Variants in XYLT1 observed in about 807,000 individuals in gnomAD.
XYLT1 encodes xylosyltransferase 1.
Under a neutral mutation model 91.3 loss-of-function variants are expected in XYLT1, and 36 were observed. The observed-to-expected ratio is 0.39, with a 90% CI of 0.30 to 0.52. The LOEUF (loss-of-function observed/expected upper bound fraction) is 0.52, where lower values mean the gene tolerates loss of function less well. Ranked by LOEUF, XYLT1 falls within the 20% of genes least tolerant of loss-of-function variation. The pLI is 0.68. For synonymous variants in XYLT1, 588 were observed against 532.0 expected (o/e 1.11, Z -1.45); for missense variants, 1,242 against 1,284.5 (o/e 0.97, Z 0.51).
chr16:17,173,662 C>T (rs890761078), intron 5 of XYLT1, among the ~76,000 whole-genome samples: 2 of 152,260 alleles, frequency 1.3e-5, no homozygotes, highest in Non-Finnish European at 2.9e-5. Context: ...GGACAGAATT[C>T]CTTTCATGCT....
At position 17,376,827 on chromosome 16, in the gene XYLT1, CAAAAAAAA is replaced by C. The variant is rs10684824; in HGVS notation, c.364-18785_364-18778del. Among the ~76,000 whole-genome samples the C allele has an allele frequency of 2.6e-3, 142 of 55,676 alleles. 1 individual carries two copies. Among genetic ancestry groups the C allele is most frequent in the South Asian group, 0.02 (20 of 1,004 alleles). The allele number at this position is 55,676 out of a possible 152,430, so 36.5% of individuals were successfully genotyped here. On this transcript the variant is annotated intron_variant, in intron 1 of 11. Transcript: ENST00000261381. ...GAGCAACAAGAGCAAAACTCTGTCT[CAAAAAAAA>C]AAAAAAAAAAAAAAAAAATAGGGAC...
intron 5 of XYLT1, among the ~76,000 whole-genome samples, chr16:17,168,609 T>TA (rs992532564): frequency 1.3e-5 from 2 of 151,884 alleles, no homozygotes; most frequent in African/African-American, 2.4e-5. Context: ...CTTTTTTTTT[T>TA]AAAGTTTAAA....
At chr16:17,338,391 T>TA (rs1272993930) in intron 2 of XYLT1, 1 of 456,566 alleles carries the variant, frequency 2.2e-6, no homozygotes, top group Admixed American at 2.3e-5. Context: ...TGCCAAGGCC[T>TA]GCTCCTCTCT....
chr16:17,227,514 T>A (rs1159967713), intron 3 of XYLT1: 1 of 152,230 alleles, frequency 6.6e-6, no homozygotes, highest in African/African-American at 2.4e-5. Context: ...CCCAATGAAC[T>A]CATAGCAAAG....
chr16:17,168,267 A>G (rs1284981825), intron 5 of XYLT1, among the ~76,000 whole-genome samples: 1 of 152,242 alleles, frequency 6.6e-6, no homozygotes, highest in East Asian at 1.9e-4. Flanking sequence ...AGCCATCAAA[A>G]GAACAAAATC....
At chr16:17,348,787 CAAACCCAGCCTG>C (rs1312646438) in intron 2 of XYLT1, among the ~76,000 whole-genome samples, 1 of 152,226 alleles carries the variant, frequency 6.6e-6, no homozygotes, top group African/African-American at 2.4e-5. Flanking sequence ...CTAGAACCTG[CAAACCCAGCCTG>C]AACATTCTAG....
chr16:17,197,711 A>G (rs1289317847), intron 5 of XYLT1, among the ~76,000 whole-genome samples: 1 of 152,134 alleles, frequency 6.6e-6, no homozygotes, highest in Non-Finnish European at 1.5e-5. Context: ...TCAGACTCCA[A>G]GTTCTTCAGC....
In XYLT1 at chr16:17,379,763, T is replaced by TCACACACACACA. The variant is rs71137987; in HGVS notation, c.364-21725_364-21714dup. On this transcript the variant is annotated intron_variant, in intron 1 of 11. Transcript: ENST00000261381. ...CTCTCTCTCTCTCTCTCTCTCTCTC[T>TCACACACACACA]CACACACACACACACACACACACAC... Among the ~76,000 whole-genome samples, 296 of 125,596 alleles carry TCACACACACACA rather than the reference T, an allele frequency of 2.4e-3. 2 individuals are homozygous for TCACACACACACA. Among genetic ancestry groups the TCACACACACACA allele is most frequent in the African/African-American group, 8.0e-3 (253 of 31,744 alleles). 82.4% of individuals were successfully genotyped at this position (125,596 alleles called of 152,430 possible).
At chr16:17,347,224 T>C (rs2035156292) in intron 2 of XYLT1, among the ~76,000 whole-genome samples, 1 of 152,158 alleles carries the variant, frequency 6.6e-6, no homozygotes, top group Non-Finnish European at 1.5e-5. Context: ...GTGAAGGCCT[T>C]GCTTGCAGGC....
intron 2 of XYLT1, among the ~76,000 whole-genome samples, chr16:17,324,875 C>A (rs796323283): frequency 2.0e-5 from 3 of 151,634 alleles, no homozygotes; most frequent in African/African-American, 7.3e-5. Context: ...TTTTTTCAAG[C>A]TTTGTTATAA....
rs181326431 is a variant in XYLT1, at chr16:17,430,956, A to C, written c.363+39478T>G. 3.3e-4 allele frequency among the ~76,000 whole-genome samples: 50 copies of C among 152,360 alleles called. No homozygotes were observed. In the East Asian group the frequency reaches 9.0e-3, roughly 28 times the overall value. On this transcript the variant is annotated intron_variant, in intron 1 of 11. Coordinates refer to ENST00000261381, the MANE Select transcript of XYLT1 (RefSeq NM_022166.4). Reference sequence around the variant, plus strand: ...TGACCCAAAATGTATAATAAATGCAAAATGAGAAAAGCTAAACATGAAAAA... The same window carrying C: ...TGACCCAAAATGTATAATAAATGCACAATGAGAAAAGCTAAACATGAAAAA...
At position 17,108,592 on chromosome 16, in the gene XYLT1, C is replaced by T; in HGVS notation, c.*103G>A. ...TCTATGGCCAGGAGAGACCCATTCACAGAGGGCCTCCCCCAGGGTGGGAGG... is the reference window on the plus strand; with the variant it reads ...TCTATGGCCAGGAGAGACCCATTCATAGAGGGCCTCCCCCAGGGTGGGAGG... On this transcript the variant is annotated 3_prime_UTR_variant, in exon 12 of 12. Transcript: ENST00000261381. 1 of 1,179,446 alleles carries T rather than the reference C, an allele frequency of 8.5e-7. No homozygotes were observed. The highest frequency in any genetic ancestry group is 1.7e-5 in the South Asian group (1 of 59,028). The allele number at this position is 1,179,446 out of a possible 1,614,324, so 73.1% of individuals were successfully genotyped here. A position where few individuals can be genotyped will look rare whatever the true frequency, so the allele number is the denominator to read the frequency against.
At chr16:17,404,694 G>T (rs115879830) in intron 1 of XYLT1, among the ~76,000 whole-genome samples, 2,925 of 152,244 alleles carry the variant, frequency 0.019, 88 homozygotes, top group African/African-American at 0.065. Context: ...CCAACAACTC[G>T]GGAGGCTGAG....
chr16:17,265,426 C>G (rs1171073865), intron 2 of XYLT1, among the ~76,000 whole-genome samples: 1 of 152,206 alleles, frequency 6.6e-6, no homozygotes, highest in Non-Finnish European at 1.5e-5. Context: ...CAATCCAACT[C>G]TCTCACCTTG....
chr16:17,143,133 T>A (rs2031030167), intron 6 of XYLT1, among the ~76,000 whole-genome samples: 1 of 152,164 alleles, frequency 6.6e-6, no homozygotes, highest in Non-Finnish European at 1.5e-5. Context: ...CGTGGGCATG[T>A]TGGGAGGGTG....
At chr16:17,254,828 A>G (rs2033604312) in intron 3 of XYLT1, among the ~76,000 whole-genome samples, 1 of 152,120 alleles carries the variant, frequency 6.6e-6, no homozygotes, top group Non-Finnish European at 1.5e-5. Context: ...AGGGAGTCAA[A>G]AGTTGTGCTC....
At chr16:17,365,209 C>A (rs1469443958) in intron 1 of XYLT1, among the ~76,000 whole-genome samples, 1 of 152,184 alleles carries the variant, frequency 6.6e-6, no homozygotes, top group Non-Finnish European at 1.5e-5. Flanking sequence ...CCTCCACTTT[C>A]CAGCATTTCC....
intron 3 of XYLT1, among the ~76,000 whole-genome samples, chr16:17,213,810 G>A (rs1300127963): frequency 1.3e-5 from 2 of 152,012 alleles, no homozygotes; most frequent in Non-Finnish European, 2.9e-5. Context: ...AGTAGAGACA[G>A]TTTTCACTAT....
Position 17,421,694 on chromosome 16 carries a change from C to A in XYLT1, c.363+48740G>T, listed in dbSNP as rs546131713. Among the ~76,000 whole-genome samples, 7 of 152,292 alleles carry A rather than the reference C, an allele frequency of 4.6e-5. No individual in the cohort carries two copies. The East Asian group carries it at 1.4e-3, about 29-fold the overall frequency. On this transcript the variant is annotated intron_variant, in intron 1 of 11. Transcript: ENST00000261381. ...AAAGTCTTAGAAGTGGATCCTCCAG[C>A]CCCAGTGGACAACACATGGAGCCGA...
Sources: gnomAD v4.1 joint callset for allele counts (sites outside exome capture counted in the v4.1 genomes callset) on GRCh38, gnomAD v4.1.1 for gene constraint, MANE v1.5 for transcripts, NCBI Gene and HGNC (gene_info 2026-07-23, HGNC 2026-07-21) for gene names.